Variants in RIMS1 observed in about 807,000 individuals in gnomAD.
RIMS1 encodes regulating synaptic membrane exocytosis 1, also known as regulating synaptic membrane exocytosis protein 1.
A neutral mutation model predicts 214.1 loss-of-function variants in RIMS1; 83 were observed. The observed-to-expected ratio is 0.39, with a 90% CI of 0.32 to 0.47. The LOEUF (loss-of-function observed/expected upper bound fraction) is 0.47, where lower values mean the gene tolerates loss of function less well. Ranked by LOEUF, RIMS1 falls within the 20% of genes least tolerant of loss-of-function variation. RIMS1 has a pLI of 0.99. For missense variants in RIMS1, 2,050 were observed against 2,161.8 expected, an observed-to-expected ratio of 0.95 and a Z score of 1.03; for synonymous variants, 793 against 786.8, an observed-to-expected ratio of 1.01 and a Z score of -0.13.
chr6:71,910,009 A>G (rs920510815), intron 1 of RIMS1, among the ~76,000 whole-genome samples: 1 of 152,178 alleles, frequency 6.6e-6, no homozygotes, highest in Non-Finnish European at 1.5e-5. Flanking sequence ...AGAGGATGTC[A>G]GTGTGACTGT....
intron 6 of RIMS1, among the ~76,000 whole-genome samples, chr6:72,196,405 A>G (rs1045417269): frequency 6.6e-6 from 1 of 151,422 alleles, no homozygotes; most frequent in Non-Finnish European, 1.5e-5. Context: ...CTATCTATCT[A>G]TCTATCTATC....
At position 72,152,821 on chromosome 6, in the gene RIMS1, A is replaced by G. The variant is rs62408087; in HGVS notation, c.472-26754A>G. 3.7e-4 allele frequency among the ~76,000 whole-genome samples: 22 copies of G among 59,358 alleles called. No homozygotes were observed. In the South Asian group the frequency reaches 4.4e-3, roughly 12 times the overall value. 38.9% of individuals were successfully genotyped at this position (59,358 alleles called of 152,430 possible). On this transcript the variant is annotated intron_variant, in intron 4 of 33. Coordinates refer to ENST00000521978, the MANE Select transcript of RIMS1 (RefSeq NM_014989.7). The stretch of plus-strand genomic sequence containing the variant: ...TATGTATATATATGTATATATATGG[A>G]ATATATGTATATATATGTATATATG...
intron 4 of RIMS1, among the ~76,000 whole-genome samples, chr6:72,168,721 GTTTTTTTTTTTT>G (rs5877314): frequency 2.0e-5 from 2 of 101,192 alleles, no homozygotes; most frequent in East Asian, 3.3e-4. Context: ...TAGTTTCAGG[GTTTTTTTTTTTT>G]TTTTTTTTTT....
At chr6:72,039,407 A>G (rs1219898565) in intron 2 of RIMS1, among the ~76,000 whole-genome samples, 1 of 152,138 alleles carries the variant, frequency 6.6e-6, no homozygotes, top group Non-Finnish European at 1.5e-5. Context: ...CCTGACATTC[A>G]TTTTGACAGT....
At chr6:72,325,358 T>A (rs537186665) in intron 28 of RIMS1, among the ~76,000 whole-genome samples, 1 of 151,678 alleles carries the variant, frequency 6.6e-6, no homozygotes, top group Non-Finnish European at 1.5e-5. Flanking sequence ...AGGAAATATA[T>A]AAAATATTTC....
chr6:72,242,345 C>A lies in RIMS1; in HGVS notation c.1989C>A (p.Pro663=). ...GDEVLEWNGK[P]LPGATNEEVY... is the part of the protein sequence containing the mutation. ...AAGTTCTAGAATGGAATGGTAAACC[C>A]CTGCCGGGAGCTACAAATGAAGAAG... Residue 663 remains proline, a synonymous_variant, in exon 10 of 34, where the codon CCC becomes CCA. Coordinates refer to ENST00000521978, the MANE Select transcript of RIMS1 (RefSeq NM_014989.7). 1 of 1,564,076 alleles carries A rather than the reference C, an allele frequency of 6.4e-7. No homozygotes were observed. Among genetic ancestry groups the A allele is most frequent in the East Asian group, 2.4e-5 (1 of 42,548 alleles).
intron 4 of RIMS1, among the ~76,000 whole-genome samples, chr6:72,111,628 A>T (rs77606580): frequency 0.12 from 18,181 of 152,070 alleles, 1,352 homozygotes; most frequent in South Asian, 0.19. Flanking sequence ...CTTCTTCTAA[A>T]TTTTAGTTTT....
At chr6:72,013,774 T>G (rs1470004241) in intron 2 of RIMS1, among the ~76,000 whole-genome samples, 1 of 152,222 alleles carries the variant, frequency 6.6e-6, no homozygotes, top group Non-Finnish European at 1.5e-5. Context: ...AGTGTGCAGT[T>G]CACTGGTTTT....
At chr6:72,312,701 A>G (rs180991724) in intron 27 of RIMS1, among the ~76,000 whole-genome samples, 2 of 152,298 alleles carry the variant, frequency 1.3e-5, no homozygotes, top group Non-Finnish European at 2.9e-5. Flanking sequence ...TAATGAAGCC[A>G]TAGTAGAAAG....
chr6:72,390,926 A>G, intron 30 of RIMS1, 190 bp downstream of exon 30: 1 of 502,376 alleles, frequency 2.0e-6, no homozygotes, highest in South Asian at 5.1e-5. Flanking sequence ...GGTCATTCAT[A>G]CCTTTCAAAG....
At chr6:72,380,557 A>G (rs527672425) in intron 29 of RIMS1, among the ~76,000 whole-genome samples, 124 of 152,334 alleles carry the variant, frequency 8.1e-4, no homozygotes, top group African/African-American at 2.8e-3. Context: ...ATTAACTTAG[A>G]CCAAAGAAGA....
chr6:72,301,530 C>G (rs980202967), intron 26 of RIMS1, among the ~76,000 whole-genome samples: 1 of 151,558 alleles, frequency 6.6e-6, no homozygotes, highest in Admixed American at 6.6e-5. Context: ...AGCATCTGTA[C>G]TGAATATGTA....
chr6:72,056,285 A>G (rs866289267), intron 2 of RIMS1, among the ~76,000 whole-genome samples: 2 of 152,136 alleles, frequency 1.3e-5, no homozygotes, highest in South Asian at 4.1e-4. Flanking sequence ...GGAGGCAGTG[A>G]GGATCAAAAA....
intron 6 of RIMS1, among the ~76,000 whole-genome samples, chr6:72,220,019 A>G (rs1276329944): frequency 6.6e-6 from 1 of 152,012 alleles, no homozygotes; most frequent in Non-Finnish European, 1.5e-5. Context: ...AATTCATTGG[A>G]GTGTTGCTAG....
chr6:71,936,326 C>CAAAAA (rs4034728), intron 1 of RIMS1, among the ~76,000 whole-genome samples: 169 of 68,548 alleles, frequency 2.5e-3, no homozygotes, highest in Non-Finnish European at 3.0e-3. Context: ...GACTCCGTCT[C>CAAAAA]AAAAAAAAAA....
intron 29 of RIMS1, among the ~76,000 whole-genome samples, chr6:72,366,059 TA>T (rs1298268396): frequency 6.6e-6 from 1 of 152,192 alleles, no homozygotes; most frequent in Non-Finnish European, 1.5e-5. Flanking sequence ...GAAATGTGTG[TA>T]AAGCTCTAAG....
At chr6:72,324,526 C>T (rs1365127799) in intron 28 of RIMS1, among the ~76,000 whole-genome samples, 3 of 151,708 alleles carry the variant, frequency 2.0e-5, no homozygotes, top group Non-Finnish European at 2.9e-5. Context: ...GATGGGATGA[C>T]TACAAATAAA....
At chr6:72,066,923 A>G (rs956332094) in intron 2 of RIMS1, among the ~76,000 whole-genome samples, 1 of 152,132 alleles carries the variant, frequency 6.6e-6, no homozygotes, top group East Asian at 1.9e-4. Flanking sequence ...CTTCTAGCTG[A>G]TACGTTACTA....
chr6:72,255,140 T>C (rs2075251729), intron 16 of RIMS1, among the ~76,000 whole-genome samples: 1 of 152,122 alleles, frequency 6.6e-6, no homozygotes, highest in African/African-American at 2.4e-5. Flanking sequence ...CATAGTAACA[T>C]GCAATACATT....
Sources: allele counts gnomAD v4.1 joint callset (sites outside exome capture counted in the v4.1 genomes callset), GRCh38; gene constraint gnomAD v4.1.1; transcripts MANE v1.5; gene names NCBI Gene and HGNC (gene_info 2026-07-23, HGNC 2026-07-21).